TECR: variants seen among roughly 807,000 people sequenced by gnomAD.
The protein encoded by TECR is trans-2,3-enoyl-CoA reductase.
In TECR, 19 loss-of-function variants were observed where a neutral mutation model predicts 50.6. The observed-to-expected ratio is 0.38, with a 90% CI of 0.26 to 0.55. The LOEUF is 0.55. Ranked by LOEUF, TECR falls within the 20% of genes least tolerant of loss-of-function variation. The probability of loss-of-function intolerance (pLI) is 0.79; values close to 1 mark genes in which losing one functional copy is unlikely to be tolerated. For synonymous variants in TECR, 168 were observed against 163.5 expected (o/e 1.03, Z -0.21); for missense variants, 313 against 408.3 (o/e 0.77, Z 2.01).
chr19:14,550,479 T>G (rs1188077636), intron 1 of TECR, among the ~76,000 whole-genome samples: 1 of 152,074 alleles, frequency 6.6e-6, no homozygotes, highest in East Asian at 1.9e-4. Flanking sequence ...TCTGGCCCCC[T>G]TCCAGCTTCC....
intron 1 of TECR, among the ~76,000 whole-genome samples, chr19:14,539,739 G>A (rs1006082202): frequency 2.0e-5 from 3 of 151,884 alleles, no homozygotes; most frequent in Non-Finnish European, 4.4e-5. Flanking sequence ...CTGGCCCTTC[G>A]TGTTACCGAG....
At chr19:14,547,924 C>T (rs1349338578) in intron 1 of TECR, among the ~76,000 whole-genome samples, 1 of 151,524 alleles carries the variant, frequency 6.6e-6, no homozygotes, top group Non-Finnish European at 1.5e-5. Context: ...GATCCTCCTG[C>T]CTTGGCCTCC....
chr19:14,551,658 C>T (rs911722949), intron 1 of TECR, among the ~76,000 whole-genome samples: 1 of 152,012 alleles, frequency 6.6e-6, no homozygotes, highest in African/African-American at 2.4e-5. Context: ...GCCTGGGCCC[C>T]GCTGTGGTAT....
rs2072537886 is a variant in TECR at position 14,529,657 on chromosome 19, A to G, written c.-40A>G. 5 of 1,613,780 alleles carry G rather than the reference A, an allele frequency of 3.1e-6. No homozygotes were observed. Among genetic ancestry groups the G allele is most frequent in the Non-Finnish European group, 4.2e-6 (5 of 1,179,978 alleles). On this transcript the variant is annotated 5_prime_UTR_variant, in exon 1 of 13. Coordinates refer to ENST00000215567, the MANE Select transcript of TECR (RefSeq NM_138501.6). ...CCTGTGCTGTGCCGCGCAGTTAGGC[A>G]GCAGCAGCCGCGGAGCAGTAGCCGC...
rs1319650651 is a variant in TECR, at chr19:14,564,169, T to C, written c.384-13T>C. 1 of 1,605,672 alleles carries C rather than the reference T, an allele frequency of 6.2e-7. No individual in the cohort carries two copies. Among genetic ancestry groups the C allele is most frequent in the Admixed American group, 1.7e-5 (1 of 59,926 alleles). On this transcript the variant is annotated splice_polypyrimidine_tract_variant and intron_variant, in intron 6 of 12. Coordinates refer to ENST00000215567, the MANE Select transcript of TECR (RefSeq NM_138501.6). ...CCGGACCAGCCCCAGCTGAGCCTGC[T>C]CCCCCCGACCAGCCTCGCCTGCATC...
intron 1 of TECR, among the ~76,000 whole-genome samples, chr19:14,546,584 TCTCA>T (rs1264155640): frequency 6.6e-6 from 1 of 152,170 alleles, no homozygotes; most frequent in South Asian, 2.1e-4. Context: ...GAAACAGGGC[TCTCA>T]CTATCTTGGC....
chr19:14,540,987 T>G (rs1416226919), intron 1 of TECR, among the ~76,000 whole-genome samples: 1 of 151,878 alleles, frequency 6.6e-6, no homozygotes, highest in Admixed American at 6.6e-5. Context: ...GGCCACACGC[T>G]GCTAATTTTG....
At chr19:14,551,345 G>C (rs2073497532) in intron 1 of TECR, among the ~76,000 whole-genome samples, 2 of 152,166 alleles carry the variant, frequency 1.3e-5, no homozygotes, top group African/African-American at 4.8e-5. Flanking sequence ...AGAGTACTGG[G>C]ATTACAGGCG....
At chr19:14,538,128 G>A (rs2072970169) in intron 1 of TECR, among the ~76,000 whole-genome samples, 1 of 152,184 alleles carries the variant, frequency 6.6e-6, no homozygotes, top group African/African-American at 2.4e-5. Flanking sequence ...CTACTTGACT[G>A]ATGGAGAAAC....
chr19:14,543,419 ATTTTTTTTTTTTTTTTT>A (rs1169742953), intron 1 of TECR, among the ~76,000 whole-genome samples: 1,731 of 21,334 alleles, frequency 0.081, 62 homozygotes, highest in Middle Eastern at 0.19. Context: ...ATATATATAT[ATTTTTTTTTTTTTTTTT>A]TTTTTTTTTT....
At position 14,563,343 on chromosome 19, in the gene TECR, TC is replaced by T; in HGVS notation, c.118+89del. 1 of 1,305,592 alleles carries T rather than the reference TC, an allele frequency of 7.7e-7. No homozygotes were observed. 80.9% of individuals were successfully genotyped at this position (1,305,592 alleles called of 1,614,324 possible). A position where few individuals can be genotyped will look rare whatever the true frequency, so the allele number is the denominator to read the frequency against. ...GGAGGGATCCCATCCTGCACCCCTC[TC>T]CCAGGGGCCTGCAGAGATGCCCCAG... is the stretch of plus-strand genomic sequence containing the variant. On this transcript the variant is annotated intron_variant, in intron 3 of 12. Transcript: ENST00000215567. This position sits in a 1 kb window ranked among gnomAD's most constrained non-coding sequence, Gnocchi z 5.3.
rs1486486116 is a variant in TECR at position 14,564,165 on chromosome 19, C to G, written c.384-17C>G. On this transcript the variant is annotated splice_polypyrimidine_tract_variant and intron_variant, in intron 6 of 12. Transcript: ENST00000215567. Reference sequence around the variant, plus strand: ...CCTGCCGGACCAGCCCCAGCTGAGCCTGCTCCCCCCGACCAGCCTCGCCTG... The same window carrying G: ...CCTGCCGGACCAGCCCCAGCTGAGCGTGCTCCCCCCGACCAGCCTCGCCTG... 6.2e-7 allele frequency: 1 copy of G among 1,606,396 alleles called. No homozygotes were observed. The highest frequency in any genetic ancestry group is 8.5e-7 in the Non-Finnish European group (1 of 1,179,726).
rs2073848023 is a variant in TECR, at chr19:14,559,728, AGT to A, written c.16-2795_16-2794del. ...TTTGAACCTGGGGGGCGGAGGTTGC[AGT>A]GAGTCAAGATCGCACTGCTGCACTC... is the stretch of plus-strand genomic sequence containing the variant. On this transcript the variant is annotated intron_variant, in intron 1 of 12. Transcript: ENST00000215567. 2.6e-5 allele frequency among the ~76,000 whole-genome samples: 4 copies of A among 151,982 alleles called. No homozygotes were observed. In the South Asian group the frequency reaches 8.3e-4, roughly 32 times the overall value.
Position 14,529,601 on chromosome 19 carries a change from C to A in TECR, c.-96C>A. The A allele has an allele frequency of 3.8e-6, 6 of 1,588,356 alleles. No individual in the cohort carries two copies. Among genetic ancestry groups the A allele is most frequent in the Non-Finnish European group, 5.2e-6 (6 of 1,157,692 alleles). On this transcript the variant is annotated 5_prime_UTR_variant, in exon 1 of 13. Transcript: ENST00000215567. ...GGGCGGACGCAGAGCCGCGTTTAGT[C>A]TATCGCTGCGGTTGCGAGCGCTGTA...
chr19:14,557,462 T>A (rs1318903508), intron 1 of TECR, among the ~76,000 whole-genome samples: 1 of 150,980 alleles, frequency 6.6e-6, no homozygotes, highest in African/African-American at 2.4e-5. Flanking sequence ...ATTCTTTTTT[T>A]AAATTTTGAG....
At chr19:14,536,627 T>A (rs1229967161) in intron 1 of TECR, 1 of 152,124 alleles carries the variant, frequency 6.6e-6, no homozygotes, top group Non-Finnish European at 1.5e-5. Context: ...CCGGCTGACA[T>A]TGGCTGATGG....
rs2146633404 is a variant in TECR, at chr19:14,563,984, C to T, written c.270C>T (p.Val90=). 1 of 1,614,056 alleles carries T rather than the reference C, an allele frequency of 6.2e-7. No homozygotes were observed. The highest frequency in any genetic ancestry group is 8.5e-7 in the Non-Finnish European group (1 of 1,179,944). ...ATCTTGCCCCCCTCTACTCTCAGGT[C>T]TTCCTAACAGAGTACGCGGGGCCCC... ...DLGAQISWVT[V]FLTEYAGPLF... Residue 90 remains valine (V), a splice_region_variant and synonymous_variant, in exon 6 of 13, where the codon GTC becomes GTT. Coordinates refer to ENST00000215567, the MANE Select transcript of TECR (RefSeq NM_138501.6). This position sits in a 1 kb window ranked among gnomAD's most constrained non-coding sequence, Gnocchi z 5.3.
At chr19:14,548,913 G>C (rs2073394133) in intron 1 of TECR, among the ~76,000 whole-genome samples, 1 of 152,100 alleles carries the variant, frequency 6.6e-6, no homozygotes, top group African/African-American at 2.4e-5. Context: ...CACTGTGGCA[G>C]CCACAGATGA....
At chr19:14,536,662 C>T (rs946328013) in intron 1 of TECR, 1 of 152,082 alleles carries the variant, frequency 6.6e-6, no homozygotes, top group African/African-American at 2.4e-5. Context: ...ACTCTGTGTT[C>T]AGGGATATCA....
Sources: gnomAD v4.1 joint callset for allele counts (sites outside exome capture counted in the v4.1 genomes callset) on GRCh38, gnomAD v4.1.1 for gene constraint, Gnocchi (gnomAD v3.1) non-coding constraint, MANE v1.5 for transcripts, NCBI Gene and HGNC (gene_info 2026-07-23, HGNC 2026-07-21) for gene names.